Variants in PTCHD4 observed in about 807,000 individuals in gnomAD.
The protein encoded by PTCHD4 is patched domain-containing protein 4.
A neutral mutation model predicts 58.1 loss-of-function variants in PTCHD4; 33 were observed. The ratio of observed to expected loss-of-function variants is 0.57; its 90% confidence interval spans 0.43 to 0.76. The LOEUF is 0.76. Among genes scored for constraint, PTCHD4 ranks in the 30% least tolerant of loss-of-function variants. PTCHD4 has a pLI of 0.00. For missense variants in PTCHD4, 1,058 were observed against 1,027.1 expected (o/e 1.03, Z -0.41); for synonymous variants, 478 against 409.6 (o/e 1.17, Z -2.02).
intron 3 of PTCHD4, among the ~76,000 whole-genome samples, chr6:48,040,472 GAAAA>G (rs11335428): frequency 6.6e-6 from 1 of 150,400 alleles, no homozygotes; most frequent in African/African-American, 2.4e-5. Flanking sequence ...AGAAAGAAAG[GAAAA>G]AAAAAAATGT....
At chr6:47,989,804 G>T (rs1329299225) in intron 4 of PTCHD4, among the ~76,000 whole-genome samples, 1 of 152,182 alleles carries the variant, frequency 6.6e-6, no homozygotes, top group Non-Finnish European at 1.5e-5. Context: ...GAAATGTGGG[G>T]TCGGAGACCC....
chr6:48,105,639 C>CA (rs1202392914), intron 1 of PTCHD4, among the ~76,000 whole-genome samples: 5 of 152,098 alleles, frequency 3.3e-5, no homozygotes, highest in African/African-American at 7.2e-5. Context: ...AAAAACCCTT[C>CA]AAAAAATCAA....
chr6:48,002,314 G>A (rs1325201231), intron 4 of PTCHD4, among the ~76,000 whole-genome samples: 1 of 152,040 alleles, frequency 6.6e-6, no homozygotes, highest in Non-Finnish European at 1.5e-5. Flanking sequence ...ACGCACACAT[G>A]TTTATTGTGG....
intron 1 of PTCHD4, among the ~76,000 whole-genome samples, chr6:48,082,064 T>A (rs1357180801): frequency 6.6e-6 from 1 of 152,204 alleles, no homozygotes; most frequent in African/African-American, 2.4e-5. Flanking sequence ...ATGTCCTTTT[T>A]AAGAATAACT....
rs1041272848 is a variant in PTCHD4 at position 48,068,547 on chromosome 6, A to C, written c.100T>G (p.Cys34Gly). 17 of 1,605,340 alleles carry C rather than the reference A, an allele frequency of 1.1e-5. No homozygotes were observed. The Admixed American group carries it at 1.9e-4, about 18-fold the overall frequency. The change falls in exon 3 of 5, where the codon TGC (cysteine) becomes GGC (glycine). Residue 34 changes from cysteine to glycine, a missense_variant. Transcript: ENST00000339488. This position sits in a 1 kb window ranked among gnomAD's most constrained non-coding sequence, Gnocchi z 4.2. ...LQSFCHRLGL[C>G]VSRHPVFFLT... ...AAAAAGACCGGGTGCCGGCTCACGCACAAACCCAGCCTGTGGCAGAACGAC... is the reference window on the plus strand; with the variant it reads ...AAAAAGACCGGGTGCCGGCTCACGCCCAAACCCAGCCTGTGGCAGAACGAC...
chr6:48,073,315 C>T (rs1765007609), intron 1 of PTCHD4, among the ~76,000 whole-genome samples: 1 of 152,192 alleles, frequency 6.6e-6, no homozygotes, highest in African/African-American at 2.4e-5. Context: ...CCAGAGAAAA[C>T]TGGACTTGGA....
chr6:47,926,389 T>C (rs919332230), intron 4 of PTCHD4, among the ~76,000 whole-genome samples: 12 of 152,198 alleles, frequency 7.9e-5, no homozygotes, highest in Admixed American at 5.2e-4. Flanking sequence ...TGATTTTCTG[T>C]AACTTAAAAT....
Position 48,024,687 on chromosome 6 carries a change from T to C in PTCHD4, c.418-15573A>G, listed in dbSNP as rs531324708. Among the ~76,000 whole-genome samples the C allele has an allele frequency of 3.9e-5, 6 of 152,224 alleles. No homozygotes were observed. In the East Asian group the frequency reaches 7.7e-4, roughly 20 times the overall value. ...GCTTTTGTTTCAGGCACAAAACAGA[T>C]GGGGCTTCTGGATGGGACAAGCTCC... On this transcript the variant is annotated intron_variant, in intron 3 of 4. Transcript: ENST00000339488.
At chr6:47,962,839 A>AC (rs1767147455) in intron 4 of PTCHD4, among the ~76,000 whole-genome samples, 3 of 152,194 alleles carry the variant, frequency 2.0e-5, no homozygotes, top group Non-Finnish European at 2.9e-5. Flanking sequence ...CAAAAAAAAA[A>AC]AAAACAAGGT....
intron 1 of PTCHD4, among the ~76,000 whole-genome samples, chr6:48,083,481 T>G (rs1381671991): frequency 6.6e-6 from 1 of 152,150 alleles, no homozygotes; most frequent in African/African-American, 2.4e-5. Flanking sequence ...CCTAGATATA[T>G]GTCTACATCC....
chr6:48,044,282 T>C (rs994819793), intron 3 of PTCHD4, among the ~76,000 whole-genome samples: 1 of 151,884 alleles, frequency 6.6e-6, no homozygotes, highest in African/African-American at 2.4e-5. Context: ...CTACATTCTT[T>C]TCATCCAGTC....
At chr6:48,033,090 G>T (rs955495378) in intron 3 of PTCHD4, among the ~76,000 whole-genome samples, 1 of 151,998 alleles carries the variant, frequency 6.6e-6, no homozygotes, top group Non-Finnish European at 1.5e-5. Context: ...ATTATAAAAA[G>T]AAACCAATTG....
rs1763814686 is a variant in PTCHD4, at chr6:47,875,122, A to G, written c.*3181T>C. 6.6e-6 allele frequency among the ~76,000 whole-genome samples: 1 copy of G among 151,922 alleles called. No homozygotes were observed. Among genetic ancestry groups the G allele is most frequent in the South Asian group, 2.1e-4 (1 of 4,830 alleles). The stretch of plus-strand genomic sequence containing the variant: ...ATAACCTCTTACTTTAAGGGCATAT[A>G]TGTTTCAATTAAATAAAATATTACA... On this transcript the variant is annotated 3_prime_UTR_variant, in exon 5 of 5. Transcript: ENST00000339488.
intron 4 of PTCHD4, among the ~76,000 whole-genome samples, chr6:47,965,758 C>A (rs1027601234): frequency 3.9e-5 from 6 of 152,088 alleles, no homozygotes; most frequent in Non-Finnish European, 7.4e-5. Context: ...GAAACCCCGT[C>A]TCTACTAAAA....
At chr6:47,957,731 G>A (rs1020648488) in intron 4 of PTCHD4, among the ~76,000 whole-genome samples, 1 of 151,520 alleles carries the variant, frequency 6.6e-6, no homozygotes, top group Admixed American at 6.6e-5. Flanking sequence ...ATCTAGAGTA[G>A]CTGGGACTAT....
At chr6:47,967,774 T>G (rs1293931270) in intron 4 of PTCHD4, among the ~76,000 whole-genome samples, 4 of 152,198 alleles carry the variant, frequency 2.6e-5, no homozygotes, top group Admixed American at 2.6e-4. Flanking sequence ...TTTGCTAGCT[T>G]CAAACTTTTC....
intron 4 of PTCHD4, among the ~76,000 whole-genome samples, chr6:47,992,289 G>A (rs1018929693): frequency 9.2e-5 from 14 of 151,908 alleles, no homozygotes; most frequent in African/African-American, 2.9e-4. Flanking sequence ...ACACACACAC[G>A]TGAACATATA....
At chr6:47,967,542 C>G (rs1480546748) in intron 4 of PTCHD4, among the ~76,000 whole-genome samples, 1 of 152,202 alleles carries the variant, frequency 6.6e-6, no homozygotes, top group Non-Finnish European at 1.5e-5. Context: ...TCCTCTTTAG[C>G]TATGAAAGTC....
chr6:47,922,209 A>AAATAACT lies in PTCHD4; in HGVS notation c.899-42274_899-42273insAGTTATT, dbSNP rs573447538. Reference sequence around the variant, plus strand: ...AAGCTTAATTTTAACTAATGTAGTTATTATATTCAAATTTTCATTTTCAAC... The same window carrying AAATAACT: ...AAGCTTAATTTTAACTAATGTAGTTAAATAACTTTATATTCAAATTTTCATTTTCAAC... On this transcript the variant is annotated intron_variant, in intron 4 of 4. Coordinates refer to ENST00000339488, the MANE Select transcript of PTCHD4 (RefSeq NM_001384253.1). 1.7e-4 allele frequency among the ~76,000 whole-genome samples: 26 copies of AAATAACT among 152,296 alleles called. No individual in the cohort carries two copies. The South Asian group carries it at 5.2e-3, about 30-fold the overall frequency.
Sources: gnomAD v4.1 joint callset for allele counts (sites outside exome capture counted in the v4.1 genomes callset) on GRCh38, gnomAD v4.1.1 for gene constraint, Gnocchi (gnomAD v3.1) non-coding constraint, MANE v1.5 for transcripts, NCBI Gene and HGNC (gene_info 2026-07-23, HGNC 2026-07-21) for gene names.